ASTN2: variants seen among roughly 807,000 people sequenced by gnomAD.
ASTN2 encodes the protein astrotactin-2.
In ASTN2, 54 loss-of-function variants were observed where a neutral mutation model predicts 139.8. The ratio of observed to expected loss-of-function variants is 0.39; its 90% CI spans 0.31 to 0.48. The LOEUF is 0.48. Ranked by LOEUF, ASTN2 falls within the 20% of genes least tolerant of loss-of-function variation. ASTN2 has a pLI of 0.95. For missense variants in ASTN2, 1,565 were observed against 1,725.1 expected (o/e 0.91, Z 1.64); for synonymous variants, 756 against 719.5 (o/e 1.05, Z -0.81).
chr9:116,894,543 A>G (rs973303696), intron 10 of ASTN2, among the ~76,000 whole-genome samples: 2 of 152,138 alleles, frequency 1.3e-5, no homozygotes, highest in African/African-American at 4.8e-5. Context: ...AGGCTGGAGT[A>G]CAGTTGCATA....
At chr9:116,749,743 T>C (rs953696030) in intron 13 of ASTN2, among the ~76,000 whole-genome samples, 2 of 152,216 alleles carry the variant, frequency 1.3e-5, no homozygotes, top group Non-Finnish European at 1.5e-5. Context: ...TGGATCCCCA[T>C]GGATGGTTTA....
intron 5 of ASTN2, among the ~76,000 whole-genome samples, chr9:117,043,592 C>T (rs1199823866): frequency 6.6e-6 from 1 of 152,110 alleles, no homozygotes; most frequent in African/African-American, 2.4e-5. Flanking sequence ...TTTAAAACAT[C>T]ACAGTAACCC....
chr9:117,405,515 G>A (rs906354696), intron 1 of ASTN2, among the ~76,000 whole-genome samples: 1 of 152,108 alleles, frequency 6.6e-6, no homozygotes, highest in Admixed American at 6.5e-5. Flanking sequence ...GGATGATAAA[G>A]TCCAGTTACA....
chr9:116,925,493 G>A (rs1834727702), intron 10 of ASTN2, among the ~76,000 whole-genome samples: 1 of 152,164 alleles, frequency 6.6e-6, no homozygotes, highest in African/African-American at 2.4e-5. Context: ...TCCTTTTCCA[G>A]TGCCTGGAAG....
At chr9:117,220,678 T>G (rs918028543) in intron 2 of ASTN2, among the ~76,000 whole-genome samples, 18 of 152,076 alleles carry the variant, frequency 1.2e-4, no homozygotes, top group African/African-American at 4.3e-4. Context: ...ATGGGACAGA[T>G]TCTCCCTCAG....
chr9:117,064,609 C>T (rs1364370276), intron 5 of ASTN2, among the ~76,000 whole-genome samples: 5 of 152,032 alleles, frequency 3.3e-5, no homozygotes, highest in African/African-American at 1.2e-4. Flanking sequence ...AATGTGTACC[C>T]ATGGACATAT....
At chr9:116,501,963 T>C (rs760065773) in intron 19 of ASTN2, among the ~76,000 whole-genome samples, 2 of 151,210 alleles carry the variant, frequency 1.3e-5, no homozygotes, top group African/African-American at 4.9e-5. Context: ...ACAAAAAGCA[T>C]ATCCCCCTCC....
At chr9:117,176,542 A>C (rs1316202356) in intron 3 of ASTN2, among the ~76,000 whole-genome samples, 1 of 152,224 alleles carries the variant, frequency 6.6e-6, no homozygotes, top group African/African-American at 2.4e-5. Flanking sequence ...AAAATAAAGT[A>C]CATTTTAGGA....
At chr9:116,815,161 A>G (rs542679999) in intron 12 of ASTN2, among the ~76,000 whole-genome samples, 2 of 152,318 alleles carry the variant, frequency 1.3e-5, no homozygotes, top group South Asian at 4.1e-4. Context: ...AATGAAGGCC[A>G]TTGTCTCTGT....
At chr9:116,979,964 G>A (rs560542292) in intron 7 of ASTN2, among the ~76,000 whole-genome samples, 36 of 152,248 alleles carry the variant, frequency 2.4e-4, no homozygotes, top group African/African-American at 4.1e-4. Flanking sequence ...AGTTTTCCCT[G>A]ACTCAGAATG....
chr9:116,958,472 C>T (rs923875925), intron 10 of ASTN2, among the ~76,000 whole-genome samples: 1 of 152,084 alleles, frequency 6.6e-6, no homozygotes, highest in African/African-American at 2.4e-5. Context: ...GCCTGTAGTC[C>T]CAGCTACTCA....
At position 117,039,809 on chromosome 9, in the gene ASTN2, C is replaced by T. The variant is rs1347491368; in HGVS notation, c.1423+10G>A. On this transcript the variant is annotated intron_variant, in intron 6 of 22. Coordinates refer to ENST00000313400, the MANE Select transcript of ASTN2 (RefSeq NM_001365068.1). ...GTGGGTGTGGAGCATCTGCAATGCTCGGCTCTTACCATCTGCTATGAAGTG... is the reference window on the plus strand; with the variant it reads ...GTGGGTGTGGAGCATCTGCAATGCTTGGCTCTTACCATCTGCTATGAAGTG... The T allele has an allele frequency of 6.2e-6, 10 of 1,611,198 alleles. No homozygotes were observed. The East Asian group carries it at 8.9e-5, about 14-fold the overall frequency.
intron 13 of ASTN2, among the ~76,000 whole-genome samples, chr9:116,794,622 G>A (rs1830645369): frequency 1.3e-5 from 2 of 152,170 alleles, no homozygotes; most frequent in South Asian, 4.1e-4. Flanking sequence ...TGAATGCCAT[G>A]CTTCCTCTCT....
In ASTN2 at chr9:116,443,119, T is replaced by A. The variant is rs571799828; in HGVS notation, c.3498-566A>T. Reference sequence around the variant, plus strand: ...TATACCAGAATAATGCAAAAAAGACTAATGCGGGAGCATGGGGAGTATGGG... The same window carrying A: ...TATACCAGAATAATGCAAAAAAGACAAATGCGGGAGCATGGGGAGTATGGG... On this transcript the variant is annotated intron_variant, in intron 20 of 22. Coordinates refer to ENST00000313400, the MANE Select transcript of ASTN2 (RefSeq NM_001365068.1). 4.9e-4 allele frequency among the ~76,000 whole-genome samples: 74 copies of A among 152,302 alleles called. No homozygotes were observed. The South Asian group carries it at 0.015, about 31-fold the overall frequency.
intron 11 of ASTN2, among the ~76,000 whole-genome samples, chr9:116,825,623 C>T (rs1285108847): frequency 6.6e-6 from 1 of 152,138 alleles, no homozygotes; most frequent in Admixed American, 6.5e-5. Context: ...GACTTTGAGG[C>T]AGCTTTTCCA....
At chr9:117,005,080 A>ATTTTTTTTTTTT (rs35759848) in intron 7 of ASTN2, among the ~76,000 whole-genome samples, 2 of 74,664 alleles carry the variant, frequency 2.7e-5, no homozygotes, top group African/African-American at 5.6e-5. Flanking sequence ...CCTGTAGTCG[A>ATTTTTTTTTTTT]TTTTTTTTTT....
chr9:117,182,895 T>C (rs1831110329), intron 3 of ASTN2, among the ~76,000 whole-genome samples: 1 of 152,174 alleles, frequency 6.6e-6, no homozygotes, highest in Non-Finnish European at 1.5e-5. Context: ...CTCTTCCTCA[T>C]ATTGAAACAT....
At chr9:116,535,357 T>C (rs1477612770) in intron 19 of ASTN2, among the ~76,000 whole-genome samples, 1 of 152,182 alleles carries the variant, frequency 6.6e-6, no homozygotes, top group African/African-American at 2.4e-5. Context: ...TTTAGCCCAT[T>C]TACATTTAAG....
At chr9:117,266,911 G>A (rs1247913867) in intron 2 of ASTN2, among the ~76,000 whole-genome samples, 1 of 152,128 alleles carries the variant, frequency 6.6e-6, no homozygotes, top group African/African-American at 2.4e-5. Context: ...TCTAGGAGGT[G>A]GATCTTAATC....
Sources: gnomAD v4.1 joint callset for allele counts (sites outside exome capture counted in the v4.1 genomes callset) on GRCh38, gnomAD v4.1.1 for gene constraint, MANE v1.5 for transcripts, NCBI Gene and HGNC (gene_info 2026-07-23, HGNC 2026-07-21) for gene names.